The following CTNNA2 variants were observed in gnomAD, a reference collection of about 807,000 sequenced individuals.
The protein encoded by CTNNA2 is catenin alpha 2, also known as catenin alpha-2.
CTNNA2 carries 42 observed loss-of-function variants against 101.0 expected under a neutral mutation model. The observed-to-expected ratio is 0.42, with a 90% CI of 0.32 to 0.54. CTNNA2 has a LOEUF of 0.54. CTNNA2 is among the 20% of genes least tolerant of loss of function. The probability of loss-of-function intolerance (pLI) is 0.14; values close to 1 mark genes in which losing one functional copy is unlikely to be tolerated. For synonymous variants in CTNNA2, 450 were observed against 456.4 expected (o/e 0.99, Z 0.18); for missense variants, 871 against 1,223.1 (o/e 0.71, Z 4.29).
intron 3 of CTNNA2, among the ~76,000 whole-genome samples, chr2:79,346,181 T>C (rs1351866528): frequency 6.6e-6 from 1 of 152,218 alleles, no homozygotes; most frequent in African/African-American, 2.4e-5. Context: ...TGTGTTGCAT[T>C]GGCTTATGTT....
At chr2:80,066,010 G>A (rs1697962609) in intron 7 of CTNNA2, among the ~76,000 whole-genome samples, 1 of 152,182 alleles carries the variant, frequency 6.6e-6, no homozygotes, top group South Asian at 2.1e-4. Context: ...GGAACTTGGT[G>A]ACTAGTACTC....
At chr2:79,355,731 C>A (rs6753944) in intron 3 of CTNNA2, among the ~76,000 whole-genome samples, 1 of 151,892 alleles carries the variant, frequency 6.6e-6, no homozygotes, top group African/African-American at 2.4e-5. Flanking sequence ...TTTTACTTGG[C>A]ATAATGTTTT....
intron 7 of CTNNA2, among the ~76,000 whole-genome samples, chr2:80,254,749 G>T (rs781346197): frequency 7.9e-5 from 12 of 152,070 alleles, no homozygotes; most frequent in Non-Finnish European, 1.3e-4. Flanking sequence ...TAAATAATAG[G>T]TAGTGTATAT....
intron 7 of CTNNA2, among the ~76,000 whole-genome samples, chr2:80,175,002 G>T (rs1368538706): frequency 6.6e-6 from 1 of 151,994 alleles, no homozygotes; most frequent in Non-Finnish European, 1.5e-5. Flanking sequence ...TTTCTTCATT[G>T]CTGTTAGGAC....
intron 7 of CTNNA2, among the ~76,000 whole-genome samples, chr2:79,955,583 C>T (rs1364298454): frequency 1.3e-5 from 2 of 152,170 alleles, no homozygotes; most frequent in South Asian, 2.1e-4. Context: ...CAGAGAGTCT[C>T]GCTCTGTCAC....
chr2:79,218,373 G>C (rs1264329506), intron 2 of CTNNA2, among the ~76,000 whole-genome samples: 1 of 122,496 alleles, frequency 8.2e-6, no homozygotes, highest in Non-Finnish European at 1.8e-5. Context: ...TTTAGAGACA[G>C]GATCTTGCTA....
At chr2:80,572,601 A>C (rs1242704402) in intron 12 of CTNNA2, 1 of 152,216 alleles carries the variant, frequency 6.6e-6, no homozygotes, top group Non-Finnish European at 1.5e-5. Flanking sequence ...ATATGTACAA[A>C]AATAATTTCA....
At chr2:80,638,648 GA>G (rs954510811) in intron 18 of CTNNA2, among the ~76,000 whole-genome samples, 9 of 151,818 alleles carry the variant, frequency 5.9e-5, no homozygotes, top group East Asian at 3.9e-4. Context: ...TTATTGGTGA[GA>G]AAAAAAATGG....
intron 9 of CTNNA2, among the ~76,000 whole-genome samples, chr2:80,525,684 T>C (rs1689973994): frequency 6.6e-6 from 1 of 152,202 alleles, no homozygotes; most frequent in Non-Finnish European, 1.5e-5. Flanking sequence ...AGGGTTTTTC[T>C]GGAGGGGCCT....
Position 80,090,136 on chromosome 2 carries a change from C to CTG in CTNNA2, c.1056+180340_1056+180341insGT, listed in dbSNP as rs1200340224. On this transcript the variant is annotated intron_variant, in intron 7 of 18. Transcript: ENST00000402739. The stretch of plus-strand genomic sequence containing the variant: ...GTAGAGAAAGAAAGGAAGTTTCACT[C>CTG]TCTCTCTCTCTGTGTGTGTGTGTGT... Among the ~76,000 whole-genome samples, 6 of 82,272 alleles carry CTG rather than the reference C, an allele frequency of 7.3e-5. No individual in the cohort carries two copies. The East Asian group carries it at 4.1e-3, about 56-fold the overall frequency. The allele number at this position is 82,272 out of a possible 152,430, so 54.0% of individuals were successfully genotyped here.
chr2:79,595,637 T>A (rs1164847839), intron 1 of CTNNA2, among the ~76,000 whole-genome samples: 1 of 152,116 alleles, frequency 6.6e-6, no homozygotes, highest in Non-Finnish European at 1.5e-5. Flanking sequence ...TGCTTAAAAT[T>A]GTATCTCACA....
At chr2:80,590,269 G>T (rs565203626) in intron 15 of CTNNA2, among the ~76,000 whole-genome samples, 1 of 152,294 alleles carries the variant, frequency 6.6e-6, no homozygotes, top group East Asian at 1.9e-4. Context: ...TGAATTTTGA[G>T]TCAGAATATC....
intron 18 of CTNNA2, among the ~76,000 whole-genome samples, chr2:80,644,494 G>GAAGTT (rs1673845006): frequency 1.3e-5 from 2 of 152,132 alleles, no homozygotes; most frequent in African/African-American, 4.8e-5. Context: ...TTTAGGAAGT[G>GAAGTT]AAGTTTTAGC....
chr2:79,902,974 GC>G (rs1419141133), intron 6 of CTNNA2, among the ~76,000 whole-genome samples: 1 of 152,176 alleles, frequency 6.6e-6, no homozygotes, highest in African/African-American at 2.4e-5. Context: ...AGGTTTGTGT[GC>G]CATACAGTTT....
intron 3 of CTNNA2, among the ~76,000 whole-genome samples, chr2:79,322,169 G>A (rs564680736): frequency 3.9e-5 from 6 of 152,274 alleles, no homozygotes; most frequent in African/African-American, 7.2e-5. Context: ...TTACCCTCCC[G>A]AAGGAGATGT....
chr2:79,251,986 T>C (rs114568148), intron 2 of CTNNA2, among the ~76,000 whole-genome samples: 1 of 152,288 alleles, frequency 6.6e-6, no homozygotes, highest in African/African-American at 2.4e-5. Context: ...ATACACAGTC[T>C]CAGCTCTCAG....
At chr2:79,322,255 A>C (rs571214351) in intron 3 of CTNNA2, among the ~76,000 whole-genome samples, 12 of 152,328 alleles carry the variant, frequency 7.9e-5, no homozygotes, top group Non-Finnish European at 1.2e-4. Flanking sequence ...GCAGTAAATG[A>C]ATAGTCTCTT....
At chr2:80,462,629 TTC>T (rs1202784482) in intron 9 of CTNNA2, among the ~76,000 whole-genome samples, 5 of 130,544 alleles carry the variant, frequency 3.8e-5, no homozygotes, top group African/African-American at 1.9e-4. Context: ...CTTTCTTTCT[TTC>T]TTTTTTTTTT....
chr2:80,569,491 A>G (rs1243677410), intron 12 of CTNNA2, among the ~76,000 whole-genome samples: 1 of 152,082 alleles, frequency 6.6e-6, no homozygotes, highest in Non-Finnish European at 1.5e-5. Flanking sequence ...ATATTCCTAT[A>G]TCAAAAACTC....
Sources: allele counts gnomAD v4.1 joint callset (sites outside exome capture counted in the v4.1 genomes callset), GRCh38; gene constraint gnomAD v4.1.1; transcripts MANE v1.5; gene names NCBI Gene and HGNC (gene_info 2026-07-23, HGNC 2026-07-21).